CHN2: variants seen among roughly 807,000 people sequenced by gnomAD.
CHN2 encodes beta-chimaerin.
In CHN2, 35 loss-of-function variants were observed where a neutral mutation model predicts 56.3. The ratio of observed to expected loss-of-function variants is 0.62; its 90% CI spans 0.47 to 0.82. The LOEUF is 0.82. Ranked by LOEUF, CHN2 falls within the 40% of genes least tolerant of loss-of-function variation. CHN2 has a pLI of 0.00. For synonymous variants in CHN2, 210 were observed against 212.8 expected, an observed-to-expected ratio of 0.99 and a Z score of 0.12; for missense variants, 491 against 580.5, an observed-to-expected ratio of 0.85 and a Z score of 1.58.
At chr7:29,416,569 C>T (rs567319864) in intron 6 of CHN2, among the ~76,000 whole-genome samples, 11 of 152,244 alleles carry the variant, frequency 7.2e-5, no homozygotes, top group Non-Finnish European at 2.9e-5. Flanking sequence ...AGGCCCTCTC[C>T]CATCGTTTCT....
At chr7:29,233,285 T>A (rs1786863950) in intron 1 of CHN2, among the ~76,000 whole-genome samples, 1 of 152,252 alleles carries the variant, frequency 6.6e-6, no homozygotes, top group Non-Finnish European at 1.5e-5. Flanking sequence ...ATGCCTAGAA[T>A]GGAGTGGCAC....
At position 29,451,654 on chromosome 7, in the gene CHN2, C is replaced by A. The variant is rs1784413165; in HGVS notation, c.577-28625C>A. On this transcript the variant is annotated intron_variant, in intron 6 of 12. Coordinates refer to ENST00000222792, the MANE Select transcript of CHN2 (RefSeq NM_004067.4). ...ATAATTTTAGGAAGCTGTATTTATT[C>A]CAAATGTAGAGAATTCTCCAACCAC... 2.6e-5 allele frequency among the ~76,000 whole-genome samples: 4 copies of A among 152,162 alleles called. No homozygotes were observed. In the South Asian group the frequency reaches 8.3e-4, roughly 32 times the overall value.
At chr7:29,226,780 G>A (rs547642960) in intron 1 of CHN2, among the ~76,000 whole-genome samples, 3 of 152,226 alleles carry the variant, frequency 2.0e-5, no homozygotes, top group Admixed American at 6.5e-5. Flanking sequence ...TTAACATAAC[G>A]AAGATAATTT....
In CHN2 at chr7:29,473,174, T is replaced by C. The variant is rs571662301; in HGVS notation, c.577-7105T>C. Among the ~76,000 whole-genome samples, 6 of 152,316 alleles carry C rather than the reference T, an allele frequency of 3.9e-5. No individual in the cohort carries two copies. The South Asian group carries it at 1.2e-3, about 32-fold the overall frequency. On this transcript the variant is annotated intron_variant, in intron 6 of 12. Coordinates refer to ENST00000222792, the MANE Select transcript of CHN2 (RefSeq NM_004067.4). ...TCTTTGGAGGTTTTAAGTGGCATGA[T>C]GGGAGGTGGGTGTGGGGTGAGCATG...
chr7:29,383,372 T>A (rs1800672346), intron 3 of CHN2, among the ~76,000 whole-genome samples: 1 of 152,158 alleles, frequency 6.6e-6, no homozygotes, highest in African/African-American at 2.4e-5. Context: ...AGATCGGTGT[T>A]CCTGCTCTAG....
In CHN2 at chr7:29,330,731, G is replaced by T. The variant is rs1443272077; in HGVS notation, c.50-23894G>T. Among the ~76,000 whole-genome samples the T allele has an allele frequency of 2.6e-5, 4 of 152,208 alleles. No homozygotes were observed. In the East Asian group the frequency reaches 7.7e-4, roughly 29 times the overall value. ...CCCTTAACTTTGAAGCCTTGCTTGT[G>T]CTCAGAATACATCACAGAAAAGGAA... On this transcript the variant is annotated intron_variant, in intron 1 of 12. Coordinates refer to ENST00000222792, the MANE Select transcript of CHN2 (RefSeq NM_004067.4).
chr7:29,492,975 T>C (rs947347112), intron 7 of CHN2, among the ~76,000 whole-genome samples: 2 of 152,214 alleles, frequency 1.3e-5, no homozygotes, highest in African/African-American at 4.8e-5. Flanking sequence ...TGAGCTCTCT[T>C]TTGTTTTCTG....
intron 1 of CHN2, among the ~76,000 whole-genome samples, chr7:29,290,404 A>G (rs1004416736): frequency 2.6e-5 from 4 of 152,118 alleles, no homozygotes; most frequent in Admixed American, 2.6e-4. Context: ...ATTTCTTTCC[A>G]TTTGATATCT....
At chr7:29,473,626 A>G (rs987364294) in intron 6 of CHN2, among the ~76,000 whole-genome samples, 1 of 151,888 alleles carries the variant, frequency 6.6e-6, no homozygotes, top group African/African-American at 2.4e-5. Context: ...TCAGAAATGC[A>G]GATTCTCTGG....
At chr7:29,258,083 C>T (rs937284838) in intron 1 of CHN2, among the ~76,000 whole-genome samples, 4 of 152,102 alleles carry the variant, frequency 2.6e-5, no homozygotes, top group Admixed American at 6.5e-5. Flanking sequence ...TGCGCCCAGC[C>T]CCTCAGATTT....
chr7:29,324,029 AAG>A (rs1795594692), intron 1 of CHN2, among the ~76,000 whole-genome samples: 1 of 151,978 alleles, frequency 6.6e-6, no homozygotes, highest in South Asian at 2.1e-4. Context: ...AACCAAAAAA[AAG>A]AAAAAAAAAG....
intron 3 of CHN2, among the ~76,000 whole-genome samples, chr7:29,388,279 T>C (rs1801086939): frequency 6.6e-6 from 1 of 152,078 alleles, no homozygotes; most frequent in African/African-American, 2.4e-5. Flanking sequence ...CACAGAACAG[T>C]TAGGAAAAAA....
intron 1 of CHN2, among the ~76,000 whole-genome samples, chr7:29,297,654 C>T (rs1009447524): frequency 2.0e-5 from 3 of 151,852 alleles, no homozygotes; most frequent in African/African-American, 7.3e-5. Context: ...GCCAAAAGCC[C>T]GGCTGGTACA....
intron 1 of CHN2, among the ~76,000 whole-genome samples, chr7:29,268,562 A>G (rs1193741343): frequency 6.8e-6 from 1 of 146,084 alleles, no homozygotes; most frequent in South Asian, 2.1e-4. Flanking sequence ...ATGCTTCTGC[A>G]CCAATTCCCA....
At chr7:29,221,826 G>A (rs1052259256) in intron 1 of CHN2, among the ~76,000 whole-genome samples, 3 of 152,176 alleles carry the variant, frequency 2.0e-5, no homozygotes, top group South Asian at 2.1e-4. Context: ...ATTCCATGGT[G>A]TATACATACT....
chr7:29,398,479 G>T lies in CHN2; in HGVS notation c.283G>T (p.Ala95Ser). 1 of 1,606,818 alleles carries T rather than the reference G, an allele frequency of 6.2e-7. No homozygotes were observed. The highest frequency in any genetic ancestry group is 8.5e-7 in the Non-Finnish European group (1 of 1,174,382). The change falls in exon 5 of 13, where the codon GCT becomes TCT. Residue 95 changes from alanine to serine, a missense_variant. Physicochemically the swap from Ala to Ser is moderately conservative, Grantham distance 99. Coordinates refer to ENST00000222792, the MANE Select transcript of CHN2 (RefSeq NM_004067.4). ...SQRQPGCYTL[A>S]LRFGNQTLNY... ...GCGGCAACCAGGATGCTACACGCTG[G>T]CTCTCAGGTGAGGCGCATTTCATTC...
intron 6 of CHN2, among the ~76,000 whole-genome samples, chr7:29,437,592 C>A (rs1257414455): frequency 1.5e-5 from 1 of 66,646 alleles, no homozygotes; most frequent in East Asian, 4.5e-4. Flanking sequence ...AGCGAGACTC[C>A]GTCTCAAAAA....
chr7:29,299,367 A>G (rs1354895994), intron 1 of CHN2, among the ~76,000 whole-genome samples: 1 of 152,208 alleles, frequency 6.6e-6, no homozygotes, highest in Non-Finnish European at 1.5e-5. Context: ...ACCTAAATCA[A>G]CACATTCCTG....
At chr7:29,326,998 A>G (rs562306177) in intron 1 of CHN2, among the ~76,000 whole-genome samples, 1 of 152,316 alleles carries the variant, frequency 6.6e-6, no homozygotes, top group East Asian at 1.9e-4. Context: ...ACTTCAGATG[A>G]ATGGAGGCAA....
Sources: allele counts gnomAD v4.1 joint callset (sites outside exome capture counted in the v4.1 genomes callset), GRCh38; gene constraint gnomAD v4.1.1; transcripts MANE v1.5; gene names NCBI Gene and HGNC (gene_info 2026-07-23, HGNC 2026-07-21).